The following CYTH1 variants were observed in gnomAD, a reference collection of about 807,000 sequenced individuals.
CYTH1 encodes the protein cytohesin-1.
In CYTH1, 18 loss-of-function variants were observed where a neutral mutation model predicts 61.8. The ratio of observed to expected loss-of-function variants is 0.29; its 90% CI spans 0.20 to 0.43. The LOEUF (loss-of-function observed/expected upper bound fraction) is 0.43, where lower values mean the gene tolerates loss of function less well. Ranked by LOEUF, CYTH1 falls within the 20% of genes least tolerant of loss-of-function variation. The pLI, the probability that CYTH1 is intolerant of heterozygous loss-of-function variation, is 1.00. For missense variants in CYTH1, 336 were observed against 510.5 expected (o/e 0.66, Z 3.29); for synonymous variants, 174 against 184.3 (o/e 0.94, Z 0.45).
chr17:78,774,032 C>G (rs1299035030), intron 1 of CYTH1, among the ~76,000 whole-genome samples: 2 of 152,018 alleles, frequency 1.3e-5, no homozygotes, highest in Admixed American at 6.5e-5. Flanking sequence ...ATTTTGTAAC[C>G]ACCAAATTCA....
Position 78,717,966 on chromosome 17 carries a change from A to G in CYTH1, c.23-8234T>C, listed in dbSNP as rs755901932. On this transcript the variant is annotated intron_variant, in intron 1 of 13. Transcript: ENST00000446868. The surrounding 1 kb of genome is among the most constrained non-coding windows in gnomAD (Gnocchi z 4.4). ...ATCCTTCTTACAGCCTCTGCCTTTC[A>G]ATGGATAAAAAGGTCCATATTTAAA... 6.6e-6 allele frequency among the ~76,000 whole-genome samples: 1 copy of G among 152,132 alleles called. No individual in the cohort carries two copies. The highest frequency in any genetic ancestry group is 1.5e-5 in the Non-Finnish European group (1 of 68,036).
chr17:78,715,084 A>C (rs1266468800), intron 1 of CYTH1, among the ~76,000 whole-genome samples: 1 of 152,204 alleles, frequency 6.6e-6, no homozygotes, highest in Admixed American at 6.5e-5. Context: ...ACTCGGTTGA[A>C]TAAAAATATT....
At chr17:78,683,678 A>G (rs2092786865) in intron 11 of CYTH1, among the ~76,000 whole-genome samples, 1 of 152,208 alleles carries the variant, frequency 6.6e-6, no homozygotes, top group African/African-American at 2.4e-5. Flanking sequence ...TCCCTCATCC[A>G]GAAATGCTTG....
intron 1 of CYTH1, among the ~76,000 whole-genome samples, chr17:78,714,964 C>T (rs2093168716): frequency 6.6e-6 from 1 of 151,928 alleles, no homozygotes. Context: ...TACTTTTGTC[C>T]CCCACATCAA....
At position 78,735,124 on chromosome 17, in the gene CYTH1, G is replaced by C. The variant is rs2093314746; in HGVS notation, c.23-25392C>G. ...GGGTAAGGGAAGCGAAGAAGCACCA[G>C]TTCTTTAAGGTTACTTGGTCAAAGC... On this transcript the variant is annotated intron_variant, in intron 1 of 13. Coordinates refer to ENST00000446868, the MANE Select transcript of CYTH1 (RefSeq NM_004762.6). 3.3e-5 allele frequency among the ~76,000 whole-genome samples: 5 copies of C among 152,312 alleles called. No homozygotes were observed. In the South Asian group the frequency reaches 1.0e-3, roughly 32 times the overall value.
chr17:78,759,707 T>C (rs1008564127), intron 1 of CYTH1, among the ~76,000 whole-genome samples: 5 of 152,196 alleles, frequency 3.3e-5, no homozygotes, highest in Admixed American at 6.5e-5. Flanking sequence ...AATTAGATAG[T>C]TACAGCTGAG....
chr17:78,702,334 C>A, intron 4 of CYTH1, 94 bp from the exon 5 acceptor site: 1 of 1,127,244 alleles, frequency 8.9e-7, no homozygotes, highest in Non-Finnish European at 1.3e-6. Flanking sequence ...TGTGGGTGCA[C>A]TGGAATATTT....
intron 1 of CYTH1, among the ~76,000 whole-genome samples, chr17:78,755,861 T>C (rs1303799233): frequency 6.6e-6 from 1 of 150,788 alleles, no homozygotes; most frequent in Admixed American, 6.6e-5. Flanking sequence ...CAGTGAGCTG[T>C]GTTCATGCCA....
At position 78,680,963 on chromosome 17, in the gene CYTH1, A is replaced by G. The variant is rs775832914; in HGVS notation, c.963+8T>C. The stretch of plus-strand genomic sequence containing the variant: ...CTCCCCTCAAAATATCTCAGCAAAA[A>G]TACTCACTGGTTTTTTGGAGTCCTC... On this transcript the variant is annotated splice_region_variant and intron_variant, in intron 12 of 13. Coordinates refer to ENST00000446868, the MANE Select transcript of CYTH1 (RefSeq NM_004762.6). The G allele has an allele frequency of 6.2e-7, 1 of 1,613,998 alleles. No individual in the cohort carries two copies. Among genetic ancestry groups the G allele is most frequent in the Non-Finnish European group, 8.5e-7 (1 of 1,179,932 alleles).
intron 1 of CYTH1, among the ~76,000 whole-genome samples, chr17:78,744,854 A>G (rs1388650425): frequency 1.3e-5 from 2 of 151,968 alleles, no homozygotes; most frequent in Admixed American, 1.3e-4. Flanking sequence ...TCAAAAAAAA[A>G]AAAAAAAAGA....
intron 1 of CYTH1, among the ~76,000 whole-genome samples, chr17:78,753,529 A>ATAAATAAATAAATAAATAAG (rs1555614199): frequency 1.3e-5 from 2 of 151,840 alleles, no homozygotes; most frequent in South Asian, 2.1e-4. Flanking sequence ...AAATAAATAA[A>ATAAATAAATAAATAAATAAG]TAAAGATAAC....
intron 1 of CYTH1, among the ~76,000 whole-genome samples, chr17:78,740,603 T>C (rs1056156662): frequency 6.6e-6 from 1 of 152,154 alleles, no homozygotes; most frequent in African/African-American, 2.4e-5. Flanking sequence ...CCACTGTTTG[T>C]TAAAAAAGGA....
At chr17:78,736,358 C>A (rs770994111) in intron 1 of CYTH1, among the ~76,000 whole-genome samples, 8 of 152,102 alleles carry the variant, frequency 5.3e-5, no homozygotes, top group Non-Finnish European at 1.2e-4. Context: ...AGGAGAACTT[C>A]TTTGGTTTAA....
chr17:78,722,587 C>A (rs1283961097), intron 1 of CYTH1, among the ~76,000 whole-genome samples: 1 of 152,202 alleles, frequency 6.6e-6, no homozygotes, highest in Non-Finnish European at 1.5e-5. Context: ...GGCCACGACA[C>A]CCCTTCCGTG....
intron 1 of CYTH1, among the ~76,000 whole-genome samples, chr17:78,781,733 G>T (rs916250109): frequency 7.3e-5 from 11 of 151,588 alleles, no homozygotes; most frequent in Non-Finnish European, 1.5e-5. Flanking sequence ...CCGCGCGTCC[G>T]CCCCGAGCCC....
At chr17:78,685,777 G>A (rs187000639) in intron 11 of CYTH1, among the ~76,000 whole-genome samples, 2 of 152,150 alleles carry the variant, frequency 1.3e-5, no homozygotes, top group Non-Finnish European at 2.9e-5. Context: ...TTCTTCAGGA[G>A]AGTGCGGCCA....
chr17:78,730,876 G>C (rs2093290340), intron 1 of CYTH1, among the ~76,000 whole-genome samples: 3 of 151,964 alleles, frequency 2.0e-5, no homozygotes, highest in Admixed American at 2.0e-4. Context: ...GTGTTAGCCA[G>C]GAAGGTCTCG....
At chr17:78,676,208 A>C (rs777096531) in intron 13 of CYTH1, 39 bp from the exon 14 acceptor site, 10 of 1,570,990 alleles carry the variant, frequency 6.4e-6, no homozygotes, top group Non-Finnish European at 8.7e-6. Context: ...GACGTGAGGG[A>C]CAGAATCAGA....
rs757475068 is a variant in CYTH1 at position 78,675,949 on chromosome 17, A to T, written c.*142T>A. 31 of 1,547,750 alleles carry T rather than the reference A, an allele frequency of 2.0e-5. No individual in the cohort carries two copies. The South Asian group carries it at 2.5e-4, about 13-fold the overall frequency. On this transcript the variant is annotated 3_prime_UTR_variant, in exon 14 of 14. Coordinates refer to ENST00000446868, the MANE Select transcript of CYTH1 (RefSeq NM_004762.6). ...CACCCTTCTCCCACTTAAAAAAAAT[A>T]GCAAAAGCTGAAGCTAGTCTCTAGG...
Sources: gnomAD v4.1 joint callset for allele counts (sites outside exome capture counted in the v4.1 genomes callset) on GRCh38, gnomAD v4.1.1 for gene constraint, Gnocchi (gnomAD v3.1) non-coding constraint, MANE v1.5 for transcripts, NCBI Gene and HGNC (gene_info 2026-07-23, HGNC 2026-07-21) for gene names.